The following MYADML2 variants were observed in gnomAD, a reference collection of about 807,000 sequenced individuals.
MYADML2 encodes myeloid associated differentiation marker like 2, also known as myeloid-associated differentiation marker-like protein 2.
Under a neutral mutation model 16.0 loss-of-function variants are expected in MYADML2, and 17 were observed. The ratio of observed to expected loss-of-function variants is 1.06; its 90% CI spans 0.73 to 1.60. MYADML2 has a LOEUF of 1.60. Among genes scored for constraint, MYADML2 ranks in the 40% most tolerant of loss-of-function variants. The pLI is 0.00. For missense variants in MYADML2, 422 were observed against 437.7 expected, an observed-to-expected ratio of 0.96 and a Z score of 0.32; for synonymous variants, 210 against 208.1, an observed-to-expected ratio of 1.01 and a Z score of -0.08.
Position 81,941,484 on chromosome 17 carries a change from G to A in MYADML2, c.258C>T (p.Asn86=), listed in dbSNP as rs1013810096. 2 of 1,548,638 alleles carry A rather than the reference G, an allele frequency of 1.3e-6. No individual in the cohort carries two copies. Among genetic ancestry groups the A allele is most frequent in the African/African-American group, 2.7e-5 (2 of 73,024 alleles). ...LHGCLRLSWG[N]FTAAFAMLAT... is the part of the protein sequence containing the mutation. The stretch of plus-strand genomic sequence containing the variant: ...CCAGCATGGCGAAGGCGGCGGTGAA[G>A]TTGCCCCAGGAGAGCCGCAGGCAGC... The change falls in exon 3 of 3, where the codon AAC becomes AAT. Residue 86 remains asparagine, a synonymous_variant. Coordinates refer to ENST00000409745, the MANE Select transcript of MYADML2 (RefSeq NM_001145113.3).
In MYADML2 at chr17:81,940,478, G is replaced by C. The variant is rs573133364; in HGVS notation, c.*340C>G. The C allele has an allele frequency of 1.7e-4, 44 of 256,236 alleles. 1 individual carries two copies. The South Asian group carries it at 4.5e-3, about 26-fold the overall frequency. The allele number at this position is 256,236 out of a possible 1,614,324, so 15.9% of individuals were successfully genotyped here. A position where few individuals can be genotyped will look rare whatever the true frequency, so the allele number is the denominator to read the frequency against. On this transcript the variant is annotated 3_prime_UTR_variant, in exon 3 of 3. Transcript: ENST00000409745. ...CTCCATGTCCCCAGCTGCAAAATGG[G>C]TCACAACAGCAGCTGCTTTAAAGTT... is the stretch of plus-strand genomic sequence containing the variant.
At position 81,940,903 on chromosome 17, in the gene MYADML2, A is replaced by G. The variant is rs1009002728; in HGVS notation, c.839T>C (p.Val280Ala). Residue 280 changes from valine (V) to alanine (A), a missense_variant, in exon 3 of 3, where the codon GTG (valine) becomes GCG (alanine). Val to Ala is a moderately conservative substitution (Grantham distance 64). Transcript: ENST00000409745. ...CAGGTTGACGTAGGTGAAGATGGCC[A>G]CCACCAGCTGGCTGTCCCAGGGACA... ...GSCPWDSQLV[V>A]AIFTYVNLLL... 4 of 1,547,744 alleles carry G rather than the reference A, an allele frequency of 2.6e-6. No homozygotes were observed. The highest frequency in any genetic ancestry group is 3.5e-6 in the Non-Finnish European group (4 of 1,144,790).
chr17:81,943,670 T>C lies in MYADML2; in HGVS notation c.-180-1297A>G, dbSNP rs547535081. Among the ~76,000 whole-genome samples, 8 of 152,178 alleles carry C rather than the reference T, an allele frequency of 5.3e-5. No homozygotes were observed. The East Asian group carries it at 1.4e-3, about 26-fold the overall frequency. Reference sequence around the variant, plus strand: ...CGCCCGCCTCAGCCTCCCAAAGTGCTGGGATTACAGGCGTTAGCCACCTCG... The same window carrying C: ...CGCCCGCCTCAGCCTCCCAAAGTGCCGGGATTACAGGCGTTAGCCACCTCG... On this transcript the variant is annotated intron_variant, in intron 1 of 2. Coordinates refer to ENST00000409745, the MANE Select transcript of MYADML2 (RefSeq NM_001145113.3).
chr17:81,941,275 ACCTGG>A lies in MYADML2; in HGVS notation c.462_466del (p.Gln155GlufsTer29), dbSNP rs1274229325. On this transcript the variant is annotated frameshift_variant, in exon 3 of 3. Transcript: ENST00000409745. LOFTEE classifies it high-confidence loss of function. ...CGACACCGTGGCCATATAGCTGCTC[ACCTGG>A]CCGGGCCGGGCCCGCGTCAGGGCCA... is the stretch of plus-strand genomic sequence containing the variant. 6 of 1,550,030 alleles carry A rather than the reference ACCTGG, an allele frequency of 3.9e-6. No individual in the cohort carries two copies. Among genetic ancestry groups the A allele is most frequent in the Middle Eastern group, 1.7e-4 (1 of 5,988 alleles).
intron 1 of MYADML2, among the ~76,000 whole-genome samples, chr17:81,943,205 G>A (rs1258580764): frequency 6.6e-6 from 1 of 151,126 alleles, no homozygotes; most frequent in African/African-American, 2.4e-5. Flanking sequence ...GAGTACCTGG[G>A]ACTACAGGCA....
At position 81,941,794 on chromosome 17, in the gene MYADML2, G is replaced by A. The variant is rs1474717504; in HGVS notation, c.-53C>T. 3 of 1,441,764 alleles carry A rather than the reference G, an allele frequency of 2.1e-6. No individual in the cohort carries two copies. Among genetic ancestry groups the A allele is most frequent in the Admixed American group, 2.7e-5 (1 of 36,394 alleles). The allele number at this position is 1,441,764 out of a possible 1,614,324, so 89.3% of individuals were successfully genotyped here. On this transcript the variant is annotated 5_prime_UTR_variant, in exon 3 of 3. Transcript: ENST00000409745. ...AGTCCCCCAAGGCCCTGGGGTCCCT[G>A]CTGGGCCAAGGCCCCTCAGTCCTCT...
chr17:81,941,100 C>T lies in MYADML2; in HGVS notation c.642G>A (p.Leu214=). 6.5e-7 allele frequency: 1 copy of T among 1,550,324 alleles called. No individual in the cohort carries two copies. The highest frequency in any genetic ancestry group is 8.7e-7 in the Non-Finnish European group (1 of 1,146,980). The stretch of plus-strand genomic sequence containing the variant: ...GGCCCCCTGTGTGGCCCATCACACT[C>T]AGGGCCACCACGGCCACTGTGGCCA... The part of the protein sequence containing the change: ...CFLATVAVVA[L]SVMGHTGGLG... The change falls in exon 3 of 3, where the codon CTG becomes CTA. Residue 214 remains leucine, a synonymous_variant. Transcript: ENST00000409745.
At chr17:81,945,577 C>A (rs1201154346) in intron 1 of MYADML2, among the ~76,000 whole-genome samples, 1 of 151,334 alleles carries the variant, frequency 6.6e-6, no homozygotes, top group Non-Finnish European at 1.5e-5. Flanking sequence ...TGGCACATGC[C>A]TGTAATCTCA....
Position 81,940,987 on chromosome 17 carries a change from A to C in MYADML2, c.755T>G (p.Phe252Cys). The C allele has an allele frequency of 6.4e-7, 1 of 1,550,572 alleles. No individual in the cohort carries two copies. The highest frequency in any genetic ancestry group is 8.7e-7 in the Non-Finnish European group (1 of 1,146,942). Residue 252 changes from phenylalanine (F) to cysteine (C), a missense_variant, in exon 3 of 3, where the codon TTC (phenylalanine) becomes TGC (cysteine). Physicochemically the swap from Phe to Cys is radical, Grantham distance 205. Transcript: ENST00000409745. ...YLSAAVIWPV[F>C]CFDPKYGEPK... ...CTCACCGTACTTGGGATCGAAACAG[A>C]AGACTGGCCAGATCACGGCGGCGCT... is the stretch of plus-strand genomic sequence containing the variant.
Position 81,941,650 on chromosome 17 carries a change from G to A in MYADML2, c.92C>T (p.Ala31Val), listed in dbSNP as rs2041305802. Residue 31 changes from alanine (A) to valine (V), a missense_variant, in exon 3 of 3, where the codon GCC becomes GTC. Transcript: ENST00000409745. ...PVGTARVLQL[A>V]FGCTTFSLVA... ...CAGGCTGAAGGTAGTGCAGCCAAAG[G>A]CCAGCTGCAGCACGCGGGCTGTGCC... The A allele has an allele frequency of 5.8e-6, 9 of 1,549,572 alleles. No individual in the cohort carries two copies. In the East Asian group the frequency reaches 2.2e-4, roughly 38 times the overall value.
chr17:81,943,624 C>T lies in MYADML2; in HGVS notation c.-180-1251G>A, dbSNP rs561715480. 1.2e-3 allele frequency among the ~76,000 whole-genome samples: 183 copies of T among 149,640 alleles called. 1 individual carries two copies. Among genetic ancestry groups the T allele is most frequent in the African/African-American group, 4.3e-3 (176 of 40,794 alleles). On this transcript the variant is annotated intron_variant, in intron 1 of 2. Coordinates refer to ENST00000409745, the MANE Select transcript of MYADML2 (RefSeq NM_001145113.3). ...TTCACCATGTTAGCCAGGATGGTCT[C>T]GATCTCCTGACCTCGTGATCCGCCC...
Position 81,946,652 on chromosome 17 carries a change from G to A in MYADML2, c.-181+407C>T, listed in dbSNP as rs145441387. Reference sequence around the variant, plus strand: ...AACAGAGCAAGACTCCGTCTCAAAAGAAAATACAAAAAATAAATAAATAAA... The same window carrying A: ...AACAGAGCAAGACTCCGTCTCAAAAAAAAATACAAAAAATAAATAAATAAA... On this transcript the variant is annotated intron_variant, in intron 1 of 2. Transcript: ENST00000409745. Among the ~76,000 whole-genome samples, 375 of 151,806 alleles carry A rather than the reference G, an allele frequency of 2.5e-3. 7 individuals are homozygous for A. The East Asian group carries it at 0.054, about 22-fold the overall frequency.
At chr17:81,946,602 C>A (rs895114304) in intron 1 of MYADML2, among the ~76,000 whole-genome samples, 21 of 152,002 alleles carry the variant, frequency 1.4e-4, no homozygotes, top group African/African-American at 3.6e-4. Context: ...GAGCCGAGAT[C>A]GCGCCACTGC....
At position 81,940,826 on chromosome 17, in the gene MYADML2, T is replaced by C. The variant is rs1211108037; in HGVS notation, c.916A>G (p.Ser306Gly). 5 of 1,501,756 alleles carry C rather than the reference T, an allele frequency of 3.3e-6. No homozygotes were observed. Among genetic ancestry groups the C allele is most frequent in the Non-Finnish European group, 4.5e-6 (5 of 1,118,396 alleles). The allele number at this position is 1,501,756 out of a possible 1,614,324, so 93.0% of individuals were successfully genotyped here. The change falls in exon 3 of 3, where the codon AGC (serine) becomes GGC (glycine). Residue 306 changes from serine to glycine, a missense_variant. Physicochemically the swap from Ser to Gly is moderately conservative, Grantham distance 56. Coordinates refer to ENST00000409745, the MANE Select transcript of MYADML2 (RefSeq NM_001145113.3). Reference protein sequence around the residue: ...AYSQRIRFVPSL With the variant: ...AYSQRIRFVPGL ...TGGGCTGCCACTGTGGGCTACAGGC[T>C]GGGCACGAAGCGAATCCTCTGGGAG...
intron 1 of MYADML2, among the ~76,000 whole-genome samples, chr17:81,943,245 A>G (rs1183681111): frequency 6.7e-6 from 1 of 149,902 alleles, no homozygotes; most frequent in Non-Finnish European, 1.5e-5. Flanking sequence ...AATTTTTAGG[A>G]TTTTTAGTAG....
At chr17:81,945,278 A>G (rs942166227) in intron 1 of MYADML2, among the ~76,000 whole-genome samples, 40 of 151,464 alleles carry the variant, frequency 2.6e-4, no homozygotes, top group East Asian at 1.2e-3. Flanking sequence ...GGTGGCTCAC[A>G]CCTGTAATCC....
In MYADML2 at chr17:81,941,548, G is replaced by A. The variant is rs1335388417; in HGVS notation, c.194C>T (p.Ser65Phe). ...MAAWGFCFAV[S>F]ALVVACEFTR... Reference sequence around the variant, plus strand: ...GAACTCACAGGCCACCACCAGCGCAGAGACGGCGAAGCAGAAGCCCCAGGC... The same window carrying A: ...GAACTCACAGGCCACCACCAGCGCAAAGACGGCGAAGCAGAAGCCCCAGGC... The change falls in exon 3 of 3, where the codon TCT (serine) becomes TTT (phenylalanine). Residue 65 changes from serine (S) to phenylalanine (F), a missense_variant. Physicochemically the swap from Ser to Phe is radical, Grantham distance 155. Coordinates refer to ENST00000409745, the MANE Select transcript of MYADML2 (RefSeq NM_001145113.3). 1 of 1,548,310 alleles carries A rather than the reference G, an allele frequency of 6.5e-7. No homozygotes were observed. The highest frequency in any genetic ancestry group is 8.7e-7 in the Non-Finnish European group (1 of 1,146,764).
rs981917490 is a variant in MYADML2 at position 81,942,555 on chromosome 17, A to G, written c.-180-182T>C. 4 of 152,182 alleles carry G rather than the reference A, an allele frequency of 2.6e-5. No homozygotes were observed. The highest frequency in any genetic ancestry group is 7.2e-5 in the African/African-American group (3 of 41,402). 9.4% of individuals were successfully genotyped at this position (152,182 alleles called of 1,614,324 possible). A position where few individuals can be genotyped will look rare whatever the true frequency, so the allele number is the denominator to read the frequency against. On this transcript the variant is annotated intron_variant, in intron 1 of 2. Transcript: ENST00000409745. This position sits in a 1 kb window ranked among gnomAD's most constrained non-coding sequence, Gnocchi z 4.4. ...CACTTGTCCTTCACATTAAACACCT[A>G]GAAAAACACTCAACTCTTCCCTTTT... is the stretch of plus-strand genomic sequence containing the variant.
intron 1 of MYADML2, among the ~76,000 whole-genome samples, chr17:81,945,406 A>G (rs369992519): frequency 1.4e-4 from 21 of 151,974 alleles, no homozygotes; most frequent in South Asian, 1.0e-3. Context: ...AGGCGTGGTG[A>G]TGGGCGCCTG....
Sources: allele counts gnomAD v4.1 joint callset (sites outside exome capture counted in the v4.1 genomes callset), GRCh38; gene constraint gnomAD v4.1.1; non-coding constraint Gnocchi (gnomAD v3.1); transcripts MANE v1.5; gene names NCBI Gene and HGNC (gene_info 2026-07-23, HGNC 2026-07-21).